Variants in RHBDD1 observed in about 807,000 individuals in gnomAD.
The protein encoded by RHBDD1 is rhomboid domain containing 1.
RHBDD1 carries 38 observed loss-of-function variants against 36.3 expected under a neutral mutation model. The ratio of observed to expected loss-of-function variants is 1.05; its 90% CI spans 0.81 to 1.37. The LOEUF (loss-of-function observed/expected upper bound fraction) is 1.37, where lower values mean the gene tolerates loss of function less well. RHBDD1 is among the 40% of genes most tolerant of loss of function. The pLI is 0.00. For missense variants in RHBDD1, 393 were observed against 377.6 expected (o/e 1.04, Z -0.34); for synonymous variants, 151 against 136.5 (o/e 1.11, Z -0.74).
At position 226,968,659 on chromosome 2, in the gene RHBDD1, C is replaced by T. The variant is rs771369118; in HGVS notation, c.857-26772C>T. On this transcript the variant is annotated intron_variant, in intron 8 of 8. Coordinates refer to ENST00000392062, the MANE Select transcript of RHBDD1 (RefSeq NM_001167608.3). ...AGATTGAATGTTTGCGCACTCTCTC[C>T]GAAACATGTGCCATTTGTTCTGACC... Among the ~76,000 whole-genome samples the T allele has an allele frequency of 1.1e-4, 17 of 152,268 alleles. No individual in the cohort carries two copies. In the South Asian group the frequency reaches 1.7e-3, roughly 15 times the overall value.
chr2:226,813,880 G>A, the RHBDD1 span, among the ~76,000 whole-genome samples: 5 of 152,164 alleles, frequency 3.3e-5, no homozygotes, highest in Admixed American at 6.5e-5. Context: ...ATGGTGGTGG[G>A]GATTACAAAA....
chr2:226,838,999 A>T (rs929718516), intron 2 of RHBDD1, among the ~76,000 whole-genome samples: 4 of 152,254 alleles, frequency 2.6e-5, no homozygotes, highest in African/African-American at 9.6e-5. Context: ...CGTTGAAGGT[A>T]TGCATCAAAG....
rs1036333710 is a variant in RHBDD1 at position 226,953,791 on chromosome 2, A to C, written c.856+39440A>C. Among the ~76,000 whole-genome samples, 3 of 152,320 alleles carry C rather than the reference A, an allele frequency of 2.0e-5. No homozygotes were observed. In the South Asian group the frequency reaches 6.2e-4, roughly 32 times the overall value. ...AGATCATTATTTTAAAACTTATTTT[A>C]AGTTTTAATGGGTTCCAGCGATCAT... On this transcript the variant is annotated intron_variant, in intron 8 of 8. Coordinates refer to ENST00000392062, the MANE Select transcript of RHBDD1 (RefSeq NM_001167608.3).
chr2:226,877,318 A>C (rs1008392905), intron 5 of RHBDD1, among the ~76,000 whole-genome samples: 22 of 152,212 alleles, frequency 1.4e-4, no homozygotes, highest in Admixed American at 5.9e-4. Context: ...TAGACTTTGT[A>C]AATATTGACT....
At chr2:226,903,797 G>A (rs1947797700) in intron 5 of RHBDD1, among the ~76,000 whole-genome samples, 2 of 152,070 alleles carry the variant, frequency 1.3e-5, no homozygotes, top group African/African-American at 4.8e-5. Flanking sequence ...CCCCTCTCCT[G>A]TATCCATATA....
chr2:226,800,801 A>C, the RHBDD1 span, among the ~76,000 whole-genome samples: 1 of 152,176 alleles, frequency 6.6e-6, no homozygotes, highest in South Asian at 2.1e-4. Flanking sequence ...TTTAACCTTG[A>C]CCACAAGGAT....
intron 1 of RHBDD1, among the ~76,000 whole-genome samples, chr2:226,837,326 T>G (rs1307929296): frequency 2.6e-5 from 4 of 152,240 alleles, no homozygotes; most frequent in Non-Finnish European, 4.4e-5. Flanking sequence ...GCGGGGTAGA[T>G]ATGAGCTGTA....
chr2:226,854,075 T>C (rs1943089206), intron 3 of RHBDD1, among the ~76,000 whole-genome samples: 1 of 152,226 alleles, frequency 6.6e-6, no homozygotes, highest in Admixed American at 6.5e-5. Context: ...TTGGGAGGTA[T>C]GTAAATATTA....
At chr2:226,960,613 A>C (rs1952122353) in intron 8 of RHBDD1, among the ~76,000 whole-genome samples, 1 of 152,250 alleles carries the variant, frequency 6.6e-6, no homozygotes, top group African/African-American at 2.4e-5. Flanking sequence ...CCTGATTTCA[A>C]GGCAAAATTA....
In RHBDD1 at chr2:226,908,878, G is replaced by T. The variant is rs1290923221; in HGVS notation, c.712G>T (p.Gly238Cys). The T allele has an allele frequency of 1.9e-6, 3 of 1,571,120 alleles. No individual in the cohort carries two copies. The African/African-American group carries it at 4.1e-5, about 21-fold the overall frequency. Reference protein sequence around the residue: ...PGRQYYFNSSGSSGYQDYYPH... With the variant: ...PGRQYYFNSSCSSGYQDYYPH... ...ACGGCAATACTACTTTAATAGTTCAGGTAGGCACTGTATTTCATTTAATAA... is the reference window on the plus strand; with the variant it reads ...ACGGCAATACTACTTTAATAGTTCATGTAGGCACTGTATTTCATTTAATAA... Residue 238 changes from glycine (G) to cysteine (C), a missense_variant and splice_region_variant, in exon 7 of 9, where the codon GGC becomes TGC. Transcript: ENST00000392062.
rs372186168 is a variant in RHBDD1 at position 226,912,209 on chromosome 2, T to C, written c.713-1999T>C. On this transcript the variant is annotated intron_variant, in intron 7 of 8. Coordinates refer to ENST00000392062, the MANE Select transcript of RHBDD1 (RefSeq NM_001167608.3). ...GAATAAAAAGGCAAATAATAGCAAG[T>C]GTTAGTGAGGATGTGGAGAAATTGG... is the stretch of plus-strand genomic sequence containing the variant. Among the ~76,000 whole-genome samples the C allele has an allele frequency of 5.5e-4, 84 of 152,222 alleles. No homozygotes were observed. In the South Asian group the frequency reaches 0.015, roughly 27 times the overall value.
chr2:226,893,844 C>G (rs1407058851), intron 5 of RHBDD1, among the ~76,000 whole-genome samples: 1 of 152,098 alleles, frequency 6.6e-6, no homozygotes, highest in Non-Finnish European at 1.5e-5. Flanking sequence ...AAATAGTCCT[C>G]TACACACAGC....
Position 226,914,209 on chromosome 2 carries a change from C to A in RHBDD1, c.714C>A (p.Gly238=). 6.2e-7 allele frequency: 1 copy of A among 1,613,264 alleles called. No individual in the cohort carries two copies. The highest frequency in any genetic ancestry group is 8.5e-7 in the Non-Finnish European group (1 of 1,179,472). The change falls in exon 8 of 9, where the codon GGC becomes GGA. Residue 238 remains glycine, a splice_region_variant and synonymous_variant. Transcript: ENST00000392062. ...AGAACCTTTTCCTTGTGCCTTTAGG[C>A]AGCTCTGGATATCAGGATTATTATC... ...PGRQYYFNSS[G]SSGYQDYYPH...
chr2:226,889,777 A>T (rs1359362282), intron 5 of RHBDD1, among the ~76,000 whole-genome samples: 2 of 152,202 alleles, frequency 1.3e-5, no homozygotes, highest in African/African-American at 4.8e-5. Flanking sequence ...TCCATCAGGG[A>T]TGAAGTACTG....
chr2:226,866,193 C>T (rs1475557689), intron 4 of RHBDD1, among the ~76,000 whole-genome samples: 3 of 152,136 alleles, frequency 2.0e-5, no homozygotes, highest in Non-Finnish European at 2.9e-5. Context: ...GCCACAGCCT[C>T]CCGAGTAGCT....
chr2:226,801,370 G>A, the RHBDD1 span, among the ~76,000 whole-genome samples: 2 of 152,098 alleles, frequency 1.3e-5, no homozygotes, highest in Non-Finnish European at 2.9e-5. Flanking sequence ...GTTGCAAAGC[G>A]TAGTAAAAAA....
At chr2:226,970,381 C>G (rs1953218797) in intron 8 of RHBDD1, among the ~76,000 whole-genome samples, 1 of 152,002 alleles carries the variant, frequency 6.6e-6, no homozygotes, top group African/African-American at 2.4e-5. Context: ...TCATTTTTTA[C>G]TAAAATAAGC....
At chr2:226,952,701 A>G (rs142006467) in intron 8 of RHBDD1, among the ~76,000 whole-genome samples, 3 of 152,234 alleles carry the variant, frequency 2.0e-5, no homozygotes, top group African/African-American at 7.2e-5. Flanking sequence ...TGTGCCAGGT[A>G]TGAGGAAGAT....
chr2:226,959,188 CCTT>C (rs987645017), intron 8 of RHBDD1, among the ~76,000 whole-genome samples: 2 of 152,042 alleles, frequency 1.3e-5, no homozygotes, highest in Admixed American at 1.3e-4. Flanking sequence ...AATAATGATA[CCTT>C]CTTTTTGTAA....
Sources: allele counts gnomAD v4.1 joint callset (sites outside exome capture counted in the v4.1 genomes callset), GRCh38; gene constraint gnomAD v4.1.1; transcripts MANE v1.5; gene names NCBI Gene and HGNC (gene_info 2026-07-23, HGNC 2026-07-21).